NCAM2: variants seen among roughly 807,000 people sequenced by gnomAD.
The protein encoded by NCAM2 is neural cell adhesion molecule 2, also known as N-CAM-2.
A neutral mutation model predicts 98.1 loss-of-function variants in NCAM2; 30 were observed. The ratio of observed to expected loss-of-function variants is 0.31; its 90% CI spans 0.23 to 0.41. The LOEUF is 0.41. NCAM2 is among the 10% of genes least tolerant of loss of function. The pLI is 1.00. For missense variants in NCAM2, 867 were observed against 1,005.8 expected, an observed-to-expected ratio of 0.86 and a Z score of 1.87; for synonymous variants, 368 against 342.4, an observed-to-expected ratio of 1.07 and a Z score of -0.83.
chr21:21,031,180 G>C (rs2064674074), intron 1 of NCAM2, among the ~76,000 whole-genome samples: 1 of 152,072 alleles, frequency 6.6e-6, no homozygotes, highest in Admixed American at 6.6e-5. Context: ...TATCTCTGTT[G>C]AGGTCTGGAA....
chr21:21,310,193 TAATA>T lies in NCAM2; in HGVS notation c.620-14186_620-14183del, dbSNP rs546719148. 4.6e-3 allele frequency among the ~76,000 whole-genome samples: 704 copies of T among 152,300 alleles called. 2 individuals are homozygous for T. The highest frequency in any genetic ancestry group is 6.8e-3 in the Non-Finnish European group (465 of 68,024). ...TACTTTATCCATACATCTTGTTCTA[TAATA>T]AATTATTTTTATTAATTAATTACTT... On this transcript the variant is annotated intron_variant, in intron 5 of 17. Coordinates refer to ENST00000400546, the MANE Select transcript of NCAM2 (RefSeq NM_004540.5).
At position 21,515,482 on chromosome 21, in the gene NCAM2, A is replaced by G. The variant is rs1188060910; in HGVS notation, c.2282+6427A>G. ...CATGAAACATAGTGAAATCATCAAGATAGTCTCTAAATTTTAAACATAATT... is the reference window on the plus strand; with the variant it reads ...CATGAAACATAGTGAAATCATCAAGGTAGTCTCTAAATTTTAAACATAATT... On this transcript the variant is annotated intron_variant, in intron 16 of 17. Coordinates refer to ENST00000400546, the MANE Select transcript of NCAM2 (RefSeq NM_004540.5). Among the ~76,000 whole-genome samples the G allele has an allele frequency of 3.3e-5, 5 of 152,326 alleles. No homozygotes were observed. The East Asian group carries it at 9.6e-4, about 29-fold the overall frequency.
chr21:21,419,557 G>C, intron 11 of NCAM2, among the ~76,000 whole-genome samples: 1 of 125,344 alleles, frequency 8.0e-6, no homozygotes, highest in African/African-American at 3.1e-5. Flanking sequence ...TCCCCTTCCT[G>C]TGTCCATGTG....
chr21:21,394,519 C>T (rs572427386), intron 9 of NCAM2, among the ~76,000 whole-genome samples: 47 of 94,102 alleles, frequency 5.0e-4, no homozygotes, highest in Admixed American at 2.1e-3. Context: ...GACAGAGTTG[C>T]GCTCTGTTGC....
At chr21:21,137,784 A>AT (rs958559687) in intron 1 of NCAM2, among the ~76,000 whole-genome samples, 8 of 151,412 alleles carry the variant, frequency 5.3e-5, no homozygotes, top group Non-Finnish European at 4.4e-5. Context: ...TGTAAGAGTG[A>AT]TTTTTTTTTA....
At chr21:21,083,383 G>A (rs973184872) in intron 1 of NCAM2, among the ~76,000 whole-genome samples, 5 of 150,586 alleles carry the variant, frequency 3.3e-5, no homozygotes, top group African/African-American at 9.7e-5. Flanking sequence ...TATCCAAGCC[G>A]AACTTGGAAT....
intron 8 of NCAM2, among the ~76,000 whole-genome samples, chr21:21,340,760 C>A (rs2075005015): frequency 6.6e-6 from 1 of 151,872 alleles, no homozygotes; most frequent in Admixed American, 6.6e-5. Flanking sequence ...TTGAGCTGAA[C>A]TTTGAAGTAA....
chr21:21,471,360 A>G (rs1400421926), intron 14 of NCAM2, among the ~76,000 whole-genome samples: 4 of 152,060 alleles, frequency 2.6e-5, no homozygotes, highest in South Asian at 2.1e-4. Context: ...AAAAAATGAA[A>G]TAACTACTTC....
At chr21:21,125,664 AT>A (rs1382735287) in intron 1 of NCAM2, among the ~76,000 whole-genome samples, 51 of 133,192 alleles carry the variant, frequency 3.8e-4, no homozygotes, top group African/African-American at 6.3e-4. Flanking sequence ...AGAGATATAT[AT>A]ATCTATATAT....
intron 1 of NCAM2, among the ~76,000 whole-genome samples, chr21:21,089,828 T>C (rs2065975695): frequency 6.6e-6 from 1 of 152,208 alleles, no homozygotes; most frequent in African/African-American, 2.4e-5. Context: ...TCTGAGTTTA[T>C]ACGTATATGG....
intron 15 of NCAM2, among the ~76,000 whole-genome samples, chr21:21,490,158 G>A (rs1446901143): frequency 6.6e-6 from 1 of 151,802 alleles, no homozygotes; most frequent in Non-Finnish European, 1.5e-5. Flanking sequence ...TGAACTGTCA[G>A]TAAATGTTGC....
chr21:21,189,537 G>T (rs1319131090), intron 1 of NCAM2, among the ~76,000 whole-genome samples: 2 of 152,042 alleles, frequency 1.3e-5, no homozygotes, highest in East Asian at 3.9e-4. Context: ...ATGAGCCAGG[G>T]TAACACAGCA....
intron 1 of NCAM2, among the ~76,000 whole-genome samples, chr21:21,059,105 A>G (rs1036049300): frequency 6.6e-6 from 1 of 151,868 alleles, no homozygotes; most frequent in South Asian, 2.1e-4. Context: ...CACATGTTTG[A>G]CTCATTTTGT....
intron 1 of NCAM2, among the ~76,000 whole-genome samples, chr21:21,000,703 A>G (rs1257464800): frequency 6.6e-6 from 1 of 152,102 alleles, no homozygotes; most frequent in Non-Finnish European, 1.5e-5. Context: ...ATAGAGACAC[A>G]GATATATATC....
intron 17 of NCAM2, among the ~76,000 whole-genome samples, chr21:21,536,389 C>A (rs752469554): frequency 3.6e-5 from 5 of 140,462 alleles, no homozygotes; most frequent in Non-Finnish European, 7.8e-5. Flanking sequence ...AATACTATTT[C>A]TTTCTTTTTT....
chr21:21,357,977 G>A lies in NCAM2; in HGVS notation c.1045-15886G>A, dbSNP rs575267041. Among the ~76,000 whole-genome samples, 16 of 152,192 alleles carry A rather than the reference G, an allele frequency of 1.1e-4. No individual in the cohort carries two copies. The East Asian group carries it at 3.1e-3, about 29-fold the overall frequency. ...GACACATTGCTTACTTACTGTGCAT[G>A]GTAGTACATCAACAGGGTTGTAATT... On this transcript the variant is annotated intron_variant, in intron 8 of 17. Transcript: ENST00000400546.
chr21:21,534,664 G>T lies in NCAM2; in HGVS notation c.2402+8G>T, dbSNP rs769575060. The T allele has an allele frequency of 7.6e-6, 12 of 1,588,970 alleles. No individual in the cohort carries two copies. Among genetic ancestry groups the T allele is most frequent in the Middle Eastern group, 1.7e-4 (1 of 5,962 alleles). Reference sequence around the variant, plus strand: ...ACCACTGACAGAACCTGAGTATGTGGCTTGGAGTGCTCACTTATGTTCAAA... The same window carrying T: ...ACCACTGACAGAACCTGAGTATGTGTCTTGGAGTGCTCACTTATGTTCAAA... On this transcript the variant is annotated splice_region_variant and intron_variant, in intron 17 of 17. Coordinates refer to ENST00000400546, the MANE Select transcript of NCAM2 (RefSeq NM_004540.5).
At chr21:21,383,768 C>G (rs1019114957) in intron 9 of NCAM2, among the ~76,000 whole-genome samples, 3 of 151,846 alleles carry the variant, frequency 2.0e-5, no homozygotes, top group Admixed American at 1.3e-4. Flanking sequence ...GAACCAATAA[C>G]CTACGTGTTT....
chr21:21,292,169 A>G lies in NCAM2; in HGVS notation c.547A>G (p.Ile183Val), dbSNP rs185885193. 1.2e-6 allele frequency: 2 copies of G among 1,611,354 alleles called. No homozygotes were observed. The highest frequency in any genetic ancestry group is 1.3e-5 in the African/African-American group (1 of 74,842). Residue 183 changes from isoleucine to valine, a missense_variant, in exon 5 of 18, where the codon ATA becomes GTA. Ile to Val is a conservative substitution (Grantham distance 29, BLOSUM62 3). Transcript: ENST00000400546. ...CAACATCAATAAAAGTGATGAAGGT[A>G]TATACAGATGTGAAGGAAGAGTGGA... ...ILNINKSDEG[I>V]YRCEGRVEAR...
Sources: allele counts gnomAD v4.1 joint callset (sites outside exome capture counted in the v4.1 genomes callset), GRCh38; gene constraint gnomAD v4.1.1; transcripts MANE v1.5; gene names NCBI Gene and HGNC (gene_info 2026-07-23, HGNC 2026-07-21).